UBAP1: variants seen among roughly 807,000 people sequenced by gnomAD.
UBAP1 encodes ubiquitin associated protein 1, also known as ubiquitin-associated protein 1.
Under a neutral mutation model 39.0 loss-of-function variants are expected in UBAP1, and 5 were observed. The observed-to-expected ratio is 0.13, with a 90% CI of 0.07 to 0.27. The LOEUF is 0.27. Ranked by LOEUF, UBAP1 falls within the 10% of genes least tolerant of loss-of-function variation. UBAP1 has a pLI of 1.00. For missense variants in UBAP1, 490 were observed against 608.1 expected, an observed-to-expected ratio of 0.81 and a Z score of 2.04; for synonymous variants, 211 against 225.1, an observed-to-expected ratio of 0.94 and a Z score of 0.56.
At chr9:34,228,736 AT>A (rs55715947) in intron 2 of UBAP1, among the ~76,000 whole-genome samples, 171 of 140,778 alleles carry the variant, frequency 1.2e-3, no homozygotes, top group Middle Eastern at 3.6e-3. Context: ...TGCCTAGCTA[AT>A]TTTTTTTTTT....
At chr9:34,201,107 G>C (rs1026964098) in intron 1 of UBAP1, among the ~76,000 whole-genome samples, 2 of 152,066 alleles carry the variant, frequency 1.3e-5, no homozygotes, top group African/African-American at 4.8e-5. Context: ...TGGAGACGTG[G>C]TTTCTCCATG....
intron 1 of UBAP1, among the ~76,000 whole-genome samples, chr9:34,213,946 A>G (rs1413958485): frequency 6.6e-6 from 1 of 151,616 alleles, no homozygotes; most frequent in Non-Finnish European, 1.5e-5. Flanking sequence ...AAAAATACTT[A>G]GGAATATACC....
intron 1 of UBAP1, among the ~76,000 whole-genome samples, chr9:34,201,732 G>GC (rs1422625274): frequency 6.6e-6 from 1 of 152,064 alleles, no homozygotes; most frequent in Non-Finnish European, 1.5e-5. Flanking sequence ...CCAGTTCAAT[G>GC]CCGACACTGT....
chr9:34,213,383 C>T (rs1203999507), intron 1 of UBAP1, among the ~76,000 whole-genome samples: 3 of 151,882 alleles, frequency 2.0e-5, no homozygotes, highest in African/African-American at 4.8e-5. Context: ...TGGTGGCAGG[C>T]GCTTGCAATC....
intron 2 of UBAP1, among the ~76,000 whole-genome samples, chr9:34,228,434 A>G (rs1240215298): frequency 6.6e-6 from 1 of 151,400 alleles, no homozygotes; most frequent in Non-Finnish European, 1.5e-5. Flanking sequence ...AAAAAAAAAA[A>G]GAAAAAGAAA....
chr9:34,233,036 A>G (rs879778736), intron 2 of UBAP1, among the ~76,000 whole-genome samples: 9 of 152,136 alleles, frequency 5.9e-5, no homozygotes, highest in Non-Finnish European at 1.3e-4. Flanking sequence ...TTGTTCAGTT[A>G]TGATGGGCAA....
In UBAP1 at chr9:34,192,843, T is replaced by A. The variant is rs115691580; in HGVS notation, c.-8+13603T>A. On this transcript the variant is annotated intron_variant, in intron 1 of 6. Coordinates refer to ENST00000297661, the MANE Select transcript of UBAP1 (RefSeq NM_016525.5). ...TTTAGATTTTAGAATTATAGGACTT[T>A]AAATATTTTGCCTTTCCTCTTTTAT... Among the ~76,000 whole-genome samples the A allele has an allele frequency of 4.1e-3, 626 of 152,298 alleles. 5 individuals carry two copies. The highest frequency in any genetic ancestry group is 0.014 in the African/African-American group (591 of 41,558).
intron 6 of UBAP1, 76 bp from the exon 7 acceptor site, chr9:34,251,316 C>T: frequency 6.8e-6 from 10 of 1,463,330 alleles, no homozygotes; most frequent in Non-Finnish European, 9.4e-6. Context: ...GTCCCCGTCC[C>T]ACACACACAC....
intron 4 of UBAP1, among the ~76,000 whole-genome samples, chr9:34,242,518 C>T (rs1834011492): frequency 6.6e-6 from 1 of 151,956 alleles, no homozygotes. Context: ...GCTACACCAG[C>T]TTACAGATTT....
chr9:34,215,273 G>A (rs532237443), intron 1 of UBAP1, among the ~76,000 whole-genome samples: 3 of 151,776 alleles, frequency 2.0e-5, no homozygotes, highest in African/African-American at 7.3e-5. Context: ...ATGTATATAT[G>A]ATAGTGTGTG....
At chr9:34,209,998 G>A (rs559309845) in intron 1 of UBAP1, among the ~76,000 whole-genome samples, 192 of 152,162 alleles carry the variant, frequency 1.3e-3, no homozygotes, top group African/African-American at 4.1e-3. Context: ...CACAATGTCA[G>A]GGCCTATTAA....
intron 1 of UBAP1, among the ~76,000 whole-genome samples, chr9:34,197,219 C>T (rs1035438484): frequency 6.6e-6 from 1 of 152,034 alleles, no homozygotes; most frequent in African/African-American, 2.4e-5. Flanking sequence ...AGCCACTGTG[C>T]CCGGCCAGTT....
chr9:34,229,358 A>C (rs1833286530), intron 2 of UBAP1, among the ~76,000 whole-genome samples: 1 of 151,986 alleles, frequency 6.6e-6, no homozygotes, highest in African/African-American at 2.4e-5. Context: ...CCCAGGTTCA[A>C]GCGATTCTCC....
At chr9:34,231,339 C>T (rs1054046104) in intron 2 of UBAP1, among the ~76,000 whole-genome samples, 26 of 151,844 alleles carry the variant, frequency 1.7e-4, no homozygotes, top group African/African-American at 4.8e-5. Context: ...CTCAGCCTCC[C>T]GAGTAGCTGG....
intron 4 of UBAP1, among the ~76,000 whole-genome samples, chr9:34,246,078 T>A (rs1034792089): frequency 1.4e-4 from 22 of 152,176 alleles, no homozygotes; most frequent in African/African-American, 5.1e-4. Flanking sequence ...ACAGTTTTAA[T>A]TCTTTATTTT....
chr9:34,196,598 C>T (rs534855866), intron 1 of UBAP1, among the ~76,000 whole-genome samples: 140 of 151,648 alleles, frequency 9.2e-4, no homozygotes, highest in African/African-American at 3.0e-3. Context: ...ATTACGGCCA[C>T]GGCGCCCAGC....
At chr9:34,183,775 G>A in intron 1 of UBAP1, among the ~76,000 whole-genome samples, 1 of 139,460 alleles carries the variant, frequency 7.2e-6, no homozygotes, top group Non-Finnish European at 1.6e-5. Context: ...TTTGTTTTTT[G>A]TTTTTTTTTT....
In UBAP1 at chr9:34,179,066, G is replaced by A. The variant is rs1245709167; in HGVS notation, c.-182G>A. ...GAGGGAAGTAGGACTTCAACATGGC[G>A]GCTGCGGCACTGGCGGTGGCTACGG... On this transcript the variant is annotated 5_prime_UTR_variant, in exon 1 of 7. Coordinates refer to ENST00000297661, the MANE Select transcript of UBAP1 (RefSeq NM_016525.5). 9 of 1,278,964 alleles carry A rather than the reference G, an allele frequency of 7.0e-6. No individual in the cohort carries two copies. Among genetic ancestry groups the A allele is most frequent in the Non-Finnish European group, 8.9e-6 (9 of 1,011,350 alleles). 79.2% of individuals were successfully genotyped at this position (1,278,964 alleles called of 1,614,324 possible). A position where few individuals can be genotyped will look rare whatever the true frequency, so the allele number is the denominator to read the frequency against.
intron 1 of UBAP1, among the ~76,000 whole-genome samples, chr9:34,206,694 G>T (rs1831715618): frequency 6.6e-6 from 1 of 152,084 alleles, no homozygotes; most frequent in Non-Finnish European, 1.5e-5. Context: ...AGCTGTATGT[G>T]TAGAGTGAAA....
Sources: gnomAD v4.1 joint callset for allele counts (sites outside exome capture counted in the v4.1 genomes callset) on GRCh38, gnomAD v4.1.1 for gene constraint, MANE v1.5 for transcripts, NCBI Gene and HGNC (gene_info 2026-07-23, HGNC 2026-07-21) for gene names.